The following MPP7 variants were observed in gnomAD, a reference collection of about 807,000 sequenced individuals.
MPP7 encodes MAGUK p55 scaffold protein 7, also known as MAGUK p55 subfamily member 7.
Under a neutral mutation model 76.5 loss-of-function variants are expected in MPP7, and 60 were observed. The observed-to-expected ratio is 0.78, with a 90% CI of 0.64 to 0.97. The LOEUF (loss-of-function observed/expected upper bound fraction) is 0.97. Ranked by LOEUF, MPP7 falls within the 50% of genes least tolerant of loss-of-function variation. The probability of loss-of-function intolerance (pLI) is 0.00; values close to 1 mark genes in which losing one functional copy is unlikely to be tolerated. For synonymous variants in MPP7, 237 were observed against 244.5 expected, an observed-to-expected ratio of 0.97 and a Z score of 0.29; for missense variants, 641 against 694.0, an observed-to-expected ratio of 0.92 and a Z score of 0.86.
chr10:28,093,252 C>T (rs1241742970), intron 11 of MPP7, among the ~76,000 whole-genome samples: 1 of 152,080 alleles, frequency 6.6e-6, no homozygotes, highest in Admixed American at 6.5e-5. Flanking sequence ...TGGAGGGAGG[C>T]TTGCTGTCAA....
At chr10:28,200,047 A>T (rs1040200570) in intron 3 of MPP7, among the ~76,000 whole-genome samples, 1 of 152,204 alleles carries the variant, frequency 6.6e-6, no homozygotes, top group African/African-American at 2.4e-5. Flanking sequence ...ACTCTACCAC[A>T]AATCTTTTCA....
At chr10:28,080,436 A>G (rs1157542479) in intron 12 of MPP7, among the ~76,000 whole-genome samples, 1 of 151,938 alleles carries the variant, frequency 6.6e-6, no homozygotes, top group African/African-American at 2.4e-5. Context: ...TGTGTCCCCA[A>G]CTCTCCATTC....
At chr10:28,295,372 G>GT (rs1448164393) in intron 1 of MPP7, among the ~76,000 whole-genome samples, 1 of 152,040 alleles carries the variant, frequency 6.6e-6, no homozygotes, top group Non-Finnish European at 1.5e-5. Context: ...TCTGATGAGC[G>GT]TTAGAGCACA....
intron 1 of MPP7, among the ~76,000 whole-genome samples, chr10:28,256,651 T>C (rs922779347): frequency 2.0e-5 from 3 of 152,202 alleles, no homozygotes; most frequent in Non-Finnish European, 4.4e-5. Flanking sequence ...ACCTTTCTTA[T>C]TTCACAATGA....
At chr10:28,135,761 T>TAA (rs113733012) in intron 5 of MPP7, among the ~76,000 whole-genome samples, 4 of 151,740 alleles carry the variant, frequency 2.6e-5, no homozygotes, top group Admixed American at 2.0e-4. Context: ...TGATCTCACC[T>TAA]AAAAAAAAGC....
intron 3 of MPP7, among the ~76,000 whole-genome samples, chr10:28,152,878 TTA>T (rs1835928661): frequency 6.6e-6 from 1 of 152,170 alleles, no homozygotes. Flanking sequence ...GCATCAATTA[TTA>T]AGTATCAGGT....
chr10:28,295,157 G>A (rs1006010797), intron 1 of MPP7, among the ~76,000 whole-genome samples: 2 of 152,186 alleles, frequency 1.3e-5, no homozygotes, highest in African/African-American at 4.8e-5. Flanking sequence ...ACCACTGGTA[G>A]AAATTTTTCA....
intron 2 of MPP7, among the ~76,000 whole-genome samples, chr10:28,215,380 T>C (rs1838277046): frequency 6.6e-6 from 1 of 151,778 alleles, no homozygotes; most frequent in South Asian, 2.1e-4. Flanking sequence ...TTCCCCAGTG[T>C]AGGGTAGCAG....
At chr10:28,137,086 A>G (rs1015607698) in intron 5 of MPP7, among the ~76,000 whole-genome samples, 1 of 152,188 alleles carries the variant, frequency 6.6e-6, no homozygotes, top group Non-Finnish European at 1.5e-5. Flanking sequence ...CATCCAAAAG[A>G]TTTAAAAAAC....
intron 2 of MPP7, among the ~76,000 whole-genome samples, chr10:28,228,629 G>T (rs569477923): frequency 6.6e-6 from 1 of 152,012 alleles, no homozygotes; most frequent in Admixed American, 6.6e-5. Context: ...AGCCGGGTGT[G>T]GTGGCACATC....
chr10:28,165,899 C>A (rs1219137355), intron 3 of MPP7, among the ~76,000 whole-genome samples: 1 of 151,760 alleles, frequency 6.6e-6, no homozygotes, highest in Non-Finnish European at 1.5e-5. Context: ...GTGGCGCATG[C>A]CTGTAGTCTC....
rs74129035 is a variant in MPP7, at chr10:28,267,379, C to A, written c.-131-28644G>T. ...TGTGGTGAACAAAACAGGCACATCC[C>A]TGACCTTCACAGAGCTTATAATCTA... On this transcript the variant is annotated intron_variant, in intron 1 of 16. Coordinates refer to ENST00000683449, the MANE Select transcript of MPP7 (RefSeq NM_001318170.2). Among the ~76,000 whole-genome samples, 1,161 of 152,290 alleles carry A rather than the reference C, an allele frequency of 7.6e-3. 13 individuals are homozygous for A. Among genetic ancestry groups the A allele is most frequent in the African/African-American group, 0.026 (1,092 of 41,554 alleles).
chr10:28,136,201 A>G (rs908653765), intron 5 of MPP7, among the ~76,000 whole-genome samples: 5 of 151,908 alleles, frequency 3.3e-5, no homozygotes, highest in Non-Finnish European at 7.4e-5. Flanking sequence ...CTGATCCTAC[A>G]TTATGGTGAT....
chr10:28,302,519 A>C (rs1841182499), intron 1 of MPP7, among the ~76,000 whole-genome samples: 2 of 151,946 alleles, frequency 1.3e-5, no homozygotes, highest in South Asian at 4.1e-4. Flanking sequence ...CCGGACTCTG[A>C]CTCAACTCCG....
chr10:28,183,965 C>T lies in MPP7; in HGVS notation c.156+18188G>A, dbSNP rs148159260. 1.9e-3 allele frequency among the ~76,000 whole-genome samples: 291 copies of T among 152,114 alleles called. 4 individuals are homozygous for T. The highest frequency in any genetic ancestry group is 0.017 in the Admixed American group (261 of 15,254). ...TGATGGTGACTTAATATGTTCCAGA[C>T]AATATTTAAAGCACATTTCATCTAT... On this transcript the variant is annotated intron_variant, in intron 3 of 16. Coordinates refer to ENST00000683449, the MANE Select transcript of MPP7 (RefSeq NM_001318170.2).
At chr10:28,110,533 G>C (rs1834473955) in intron 11 of MPP7, among the ~76,000 whole-genome samples, 1 of 152,198 alleles carries the variant, frequency 6.6e-6, no homozygotes, top group Non-Finnish European at 1.5e-5. Context: ...ATGAAAATAT[G>C]TCCTTTCTAT....
At chr10:28,261,519 A>T (rs1839948673) in intron 1 of MPP7, among the ~76,000 whole-genome samples, 2 of 152,150 alleles carry the variant, frequency 1.3e-5, no homozygotes, top group African/African-American at 4.8e-5. Flanking sequence ...GTACTTATCC[A>T]AGGTTGCAAC....
chr10:28,099,676 G>A (rs935525824), intron 11 of MPP7, among the ~76,000 whole-genome samples: 9 of 152,210 alleles, frequency 5.9e-5, no homozygotes, highest in Non-Finnish European at 1.3e-4. Flanking sequence ...ATGTGGTGGT[G>A]CATGCCTGTA....
intron 12 of MPP7, among the ~76,000 whole-genome samples, chr10:28,075,016 T>C (rs999377083): frequency 1.3e-5 from 2 of 152,050 alleles, no homozygotes; most frequent in African/African-American, 4.8e-5. Context: ...TATCCTCTGC[T>C]TGGCTTCTGA....
Sources: gnomAD v4.1 joint callset for allele counts (sites outside exome capture counted in the v4.1 genomes callset) on GRCh38, gnomAD v4.1.1 for gene constraint, MANE v1.5 for transcripts, NCBI Gene and HGNC (gene_info 2026-07-23, HGNC 2026-07-21) for gene names.